Variants in SRRM3 observed in about 807,000 individuals in gnomAD.
SRRM3 encodes the protein serine/arginine repetitive matrix 3.
SRRM3 carries 27 observed loss-of-function variants against 66.2 expected under a neutral mutation model. That is an observed-to-expected ratio of 0.41 (90% confidence interval 0.30 to 0.56). The LOEUF (loss-of-function observed/expected upper bound fraction) is 0.56, where lower values mean the gene tolerates loss of function less well. Among genes scored for constraint, SRRM3 ranks in the 20% least tolerant of loss-of-function variants. The pLI is 0.32. For synonymous variants in SRRM3, 391 were observed against 414.9 expected, an observed-to-expected ratio of 0.94 and a Z score of 0.70; for missense variants, 918 against 991.9, an observed-to-expected ratio of 0.93 and a Z score of 1.00.
chr7:76,277,842 C>T (rs1802394663), intron 11 of SRRM3, among the ~76,000 whole-genome samples: 1 of 152,128 alleles, frequency 6.6e-6, no homozygotes, highest in South Asian at 2.1e-4. Flanking sequence ...AAGTTCCGTA[C>T]TCTGCCCTGC....
intron 3 of SRRM3, among the ~76,000 whole-genome samples, chr7:76,253,229 G>A (rs1440904919): frequency 2.0e-5 from 3 of 151,948 alleles, no homozygotes; most frequent in African/African-American, 4.8e-5. Context: ...GCTCACGCCC[G>A]TAATCCCAGC....
chr7:76,237,274 G>C (rs1379676894), intron 2 of SRRM3, among the ~76,000 whole-genome samples: 3 of 152,180 alleles, frequency 2.0e-5, no homozygotes, highest in African/African-American at 7.2e-5. Context: ...GGGCATGGTG[G>C]CATGCACCTC....
At chr7:76,274,127 G>A (rs1391009561) in intron 11 of SRRM3, among the ~76,000 whole-genome samples, 3 of 152,258 alleles carry the variant, frequency 2.0e-5, no homozygotes, top group African/African-American at 7.2e-5. Context: ...GGGCCCTTTC[G>A]GGCAAAAGGC....
At chr7:76,248,165 TCA>T (rs782380561) in intron 2 of SRRM3, 21 bp from the exon 3 acceptor site, 44 of 1,598,240 alleles carry the variant, frequency 2.8e-5, no homozygotes, top group Admixed American at 1.0e-4. Context: ...ACCAGCCCCT[TCA>T]CCCTCTCTGT....
At chr7:76,274,265 G>C (rs1802285257) in intron 11 of SRRM3, among the ~76,000 whole-genome samples, 1 of 152,258 alleles carries the variant, frequency 6.6e-6, no homozygotes, top group African/African-American at 2.4e-5. Flanking sequence ...GGAACTCTGG[G>C]CTTCCTCAAG....
chr7:76,282,533 A>G (rs1802549636), intron 12 of SRRM3, 115 bp from the exon 13 acceptor site: 1 of 545,070 alleles, frequency 1.8e-6, no homozygotes, highest in East Asian at 4.3e-5. Flanking sequence ...CGAACTGACC[A>G]CAAACTACAC....
At chr7:76,261,207 G>T (rs1221411833) in intron 6 of SRRM3, 145 bp from the exon 7 acceptor site, 5 of 692,534 alleles carry the variant, frequency 7.2e-6, no homozygotes, top group Non-Finnish European at 2.4e-6. Flanking sequence ...GGGGCCTCGG[G>T]TCACTCTGTA....
At chr7:76,272,698 T>C (rs981467790) in intron 11 of SRRM3, among the ~76,000 whole-genome samples, 2 of 152,002 alleles carry the variant, frequency 1.3e-5, no homozygotes, top group African/African-American at 2.4e-5. Flanking sequence ...TCCGGGGCTG[T>C]CTGGAAGGTG....
chr7:76,210,348 T>A (rs1554601603), intron 1 of SRRM3, among the ~76,000 whole-genome samples: 2 of 152,180 alleles, frequency 1.3e-5, no homozygotes, highest in African/African-American at 4.8e-5. Flanking sequence ...GGAAGTCCTG[T>A]CTTCCCTCTC....
rs1554608732 is a variant in SRRM3 at position 76,261,431 on chromosome 7, C to A, written c.638+17C>A. 3.7e-6 allele frequency: 6 copies of A among 1,604,088 alleles called. No individual in the cohort carries two copies. Among genetic ancestry groups the A allele is most frequent in the Non-Finnish European group, 5.1e-6 (6 of 1,175,438 alleles). ...CCGAGACAGGTACCCTTGCTGCCCC[C>A]ACCCTGGGGCCTCCTCTTCCTCCCG... On this transcript the variant is annotated intron_variant, in intron 7 of 14. Transcript: ENST00000611745.
At chr7:76,235,415 C>A (rs1391091715) in intron 2 of SRRM3, 116 bp downstream of exon 2, 15 of 945,980 alleles carry the variant, frequency 1.6e-5, no homozygotes, top group Non-Finnish European at 2.1e-5. Flanking sequence ...AAGGGCGGGG[C>A]TAGGGGCTAT....
chr7:76,253,208 C>T lies in SRRM3; in HGVS notation c.335+4919C>T, dbSNP rs137900951. Among the ~76,000 whole-genome samples the T allele has an allele frequency of 1.3e-3, 199 of 151,574 alleles. 9 individuals are homozygous for T. The South Asian group carries it at 0.036, about 28-fold the overall frequency. Reference sequence around the variant, plus strand: ...AACATTAAAGAACACTGTTCTTGGCCGGGCACAGTGGCTCACGCCCGTAAT... The same window carrying T: ...AACATTAAAGAACACTGTTCTTGGCTGGGCACAGTGGCTCACGCCCGTAAT... On this transcript the variant is annotated intron_variant, in intron 3 of 14. Coordinates refer to ENST00000611745, the MANE Select transcript of SRRM3 (RefSeq NM_001110199.3).
intron 2 of SRRM3, among the ~76,000 whole-genome samples, chr7:76,239,544 A>AT (rs1380763354): frequency 2.6e-5 from 4 of 151,986 alleles, no homozygotes; most frequent in South Asian, 4.1e-4. Flanking sequence ...ACAAAAAAAA[A>AT]TTTTTTTAAC....
At chr7:76,215,824 G>T (rs1469837876) in intron 1 of SRRM3, among the ~76,000 whole-genome samples, 1 of 131,818 alleles carries the variant, frequency 7.6e-6, no homozygotes, top group Non-Finnish European at 1.6e-5. Flanking sequence ...TTGAGACAGA[G>T]TCTCACTCTG....
intron 6 of SRRM3, 30 bp from the exon 7 acceptor site, chr7:76,261,322 T>G: frequency 4.1e-6 from 1 of 246,072 alleles, no homozygotes; most frequent in Non-Finnish European, 7.0e-6. Flanking sequence ...CCACCCCAGC[T>G]CACTAGAGCC....
At chr7:76,205,565 C>G (rs1400304579) in intron 1 of SRRM3, among the ~76,000 whole-genome samples, 2 of 152,194 alleles carry the variant, frequency 1.3e-5, no homozygotes, top group Admixed American at 1.3e-4. Context: ...CCCAAAATTC[C>G]ATGAATAAGC....
intron 1 of SRRM3, among the ~76,000 whole-genome samples, chr7:76,220,949 G>A (rs1257122652): frequency 1.3e-5 from 2 of 152,160 alleles, no homozygotes; most frequent in Admixed American, 6.5e-5. Context: ...CAGCACCAGC[G>A]CCTCTCCAGA....
intron 5 of SRRM3, 88 bp downstream of exon 5, chr7:76,260,285 A>AT (rs1238628805): frequency 1.0e-6 from 1 of 1,002,590 alleles, no homozygotes; most frequent in Non-Finnish European, 1.4e-6. Flanking sequence ...ACCATGCAGC[A>AT]TTTGTGAGCC....
intron 1 of SRRM3, among the ~76,000 whole-genome samples, chr7:76,215,085 G>A (rs2116947312): frequency 6.7e-6 from 1 of 149,272 alleles, no homozygotes; most frequent in Non-Finnish European, 1.5e-5. Flanking sequence ...GTATAGGGTA[G>A]ATAAAATATG....
Sources: allele counts gnomAD v4.1 joint callset (sites outside exome capture counted in the v4.1 genomes callset), GRCh38; gene constraint gnomAD v4.1.1; transcripts MANE v1.5; gene names NCBI Gene and HGNC (gene_info 2026-07-23, HGNC 2026-07-21).